MPDZ: variants seen among roughly 807,000 people sequenced by gnomAD.
The protein encoded by MPDZ is multiple PDZ domain protein.
A neutral mutation model predicts 239.1 loss-of-function variants in MPDZ; 234 were observed. That is an observed-to-expected ratio of 0.98 (90% confidence interval 0.88 to 1.09). The LOEUF (loss-of-function observed/expected upper bound fraction) is 1.09. Ranked by LOEUF, MPDZ falls within the 50% of genes least tolerant of loss-of-function variation. MPDZ has a pLI of 0.00. For synonymous variants in MPDZ, 1,048 were observed against 881.3 expected (o/e 1.19, Z -3.35); for missense variants, 3,175 against 2,510.0 (o/e 1.26, Z -5.66).
chr9:13,149,164 C>T (rs568116546), intron 25 of MPDZ, among the ~76,000 whole-genome samples: 96 of 151,906 alleles, frequency 6.3e-4, no homozygotes, highest in African/African-American at 1.9e-3. Flanking sequence ...AGAGAAAAAG[C>T]CTATCACTCT....
At chr9:13,217,318 C>T (rs1471207232) in intron 8 of MPDZ, 24 bp from the exon 9 acceptor site, 12 of 1,402,704 alleles carry the variant, frequency 8.6e-6, no homozygotes, top group Non-Finnish European at 1.1e-5. Flanking sequence ...AATAAATATA[C>T]AGTGAAATAA....
At chr9:13,242,607 CA>C (rs879932138) in intron 3 of MPDZ, among the ~76,000 whole-genome samples, 78 of 144,428 alleles carry the variant, frequency 5.4e-4, no homozygotes, top group Admixed American at 6.2e-4. Flanking sequence ...ATACAATATC[CA>C]AAAAAAAAAA....
chr9:13,176,725 A>C (rs1254162357), intron 19 of MPDZ, among the ~76,000 whole-genome samples: 1 of 152,152 alleles, frequency 6.6e-6, no homozygotes, highest in African/African-American at 2.4e-5. Context: ...AAATAAAATT[A>C]TTCAGAGTTC....
rs547572628 is a variant in MPDZ, at chr9:13,115,362, T to A, written c.5380-28A>T. ...GGGGGTGGGCATGGGGGGTGTTTTA[T>A]GGAAATGTTTAAATAAAATGCTATA... is the stretch of plus-strand genomic sequence containing the variant. On this transcript the variant is annotated intron_variant, in intron 39 of 46. Transcript: ENST00000319217. The A allele has an allele frequency of 1.8e-4, 280 of 1,551,908 alleles. 3 individuals carry two copies. Among genetic ancestry groups the A allele is most frequent in the Non-Finnish European group, 3.3e-5 (37 of 1,125,530 alleles).
chr9:13,191,492 T>C (rs1954924311), intron 15 of MPDZ, among the ~76,000 whole-genome samples: 1 of 152,120 alleles, frequency 6.6e-6, no homozygotes, highest in Non-Finnish European at 1.5e-5. Flanking sequence ...TGAAAAACAA[T>C]AAACAAACAG....
intron 21 of MPDZ, among the ~76,000 whole-genome samples, chr9:13,170,073 C>T (rs76999013): frequency 2.0e-5 from 3 of 152,034 alleles, no homozygotes; most frequent in Non-Finnish European, 4.4e-5. Flanking sequence ...TCACTTAAAA[C>T]GAAGTGCTGA....
At chr9:13,197,327 G>T (rs1047517771) in intron 12 of MPDZ, among the ~76,000 whole-genome samples, 1 of 151,922 alleles carries the variant, frequency 6.6e-6, no homozygotes. Context: ...AAATTAGATG[G>T]GGGGTCTTGC....
At chr9:13,115,771 C>G (rs1316808211) in intron 39 of MPDZ, among the ~76,000 whole-genome samples, 1 of 151,950 alleles carries the variant, frequency 6.6e-6, no homozygotes, top group Non-Finnish European at 1.5e-5. Flanking sequence ...TGGTGAAACC[C>G]TGTCTCTACT....
intron 1 of MPDZ, among the ~76,000 whole-genome samples, chr9:13,262,838 GTTTA>G (rs1325658753): frequency 6.6e-6 from 1 of 151,806 alleles, no homozygotes; most frequent in Admixed American, 6.6e-5. Flanking sequence ...AGAATAAGTA[GTTTA>G]TTTATATTTT....
At chr9:13,172,043 A>T (rs1951841654) in intron 21 of MPDZ, among the ~76,000 whole-genome samples, 1 of 152,210 alleles carries the variant, frequency 6.6e-6, no homozygotes, top group African/African-American at 2.4e-5. Context: ...TAATGCTTTA[A>T]TATTTACATA....
chr9:13,120,665 A>G (rs1017772000), intron 38 of MPDZ: 2 of 152,226 alleles, frequency 1.3e-5, no homozygotes, highest in African/African-American at 4.8e-5. Flanking sequence ...TGAGAAACAA[A>G]ATGGTGTAAA....
chr9:13,196,704 AAAT>A (rs1171949100), intron 12 of MPDZ, among the ~76,000 whole-genome samples: 2 of 152,078 alleles, frequency 1.3e-5, no homozygotes, highest in African/African-American at 4.8e-5. Flanking sequence ...AAATATAAAG[AAAT>A]AATAATAAAC....
At chr9:13,137,781 T>C (rs1405898317) in intron 29 of MPDZ, among the ~76,000 whole-genome samples, 176 bp downstream of exon 29, 1 of 152,228 alleles carries the variant, frequency 6.6e-6, no homozygotes, top group Non-Finnish European at 1.5e-5. Flanking sequence ...AATGGGAACA[T>C]GGACTCTACT....
intron 21 of MPDZ, among the ~76,000 whole-genome samples, chr9:13,175,119 CTG>C (rs1265701223): frequency 6.6e-6 from 1 of 152,186 alleles, no homozygotes; most frequent in East Asian, 1.9e-4. Flanking sequence ...AGTCACATGA[CTG>C]TGTAACTCAA....
At chr9:13,227,977 G>A (rs951186361) in intron 3 of MPDZ, among the ~76,000 whole-genome samples, 4 of 152,092 alleles carry the variant, frequency 2.6e-5, no homozygotes, top group African/African-American at 7.2e-5. Flanking sequence ...ATGGCTTTCT[G>A]AACTATAATC....
At chr9:13,166,209 T>C (rs1441483529) in intron 22 of MPDZ, among the ~76,000 whole-genome samples, 1 of 152,116 alleles carries the variant, frequency 6.6e-6, no homozygotes, top group East Asian at 1.9e-4. Flanking sequence ...TATGGTTCTA[T>C]TCAGAGTAAT....
intron 1 of MPDZ, among the ~76,000 whole-genome samples, chr9:13,263,707 C>T (rs1377380623): frequency 6.6e-6 from 1 of 152,182 alleles, no homozygotes; most frequent in Non-Finnish European, 1.5e-5. Flanking sequence ...GTCAACTTCT[C>T]ATCAGAGAGC....
At chr9:13,160,068 C>T (rs1047082569) in intron 23 of MPDZ, among the ~76,000 whole-genome samples, 4 of 152,150 alleles carry the variant, frequency 2.6e-5, no homozygotes, top group African/African-American at 9.7e-5. Context: ...ATGAGAAAGA[C>T]ACTGGCAGAC....
intron 1 of MPDZ, among the ~76,000 whole-genome samples, chr9:13,253,133 T>C (rs980466418): frequency 6.6e-6 from 1 of 151,886 alleles, no homozygotes; most frequent in African/African-American, 2.4e-5. Context: ...CAGTTCCTAA[T>C]TGAGAAAAAC....
Sources: allele counts gnomAD v4.1 joint callset (sites outside exome capture counted in the v4.1 genomes callset), GRCh38; gene constraint gnomAD v4.1.1; transcripts MANE v1.5; gene names NCBI Gene and HGNC (gene_info 2026-07-23, HGNC 2026-07-21).